The following PNOC variants were observed in gnomAD, a reference collection of about 807,000 sequenced individuals.
The protein encoded by PNOC is prepronociceptin, also known as nociceptin.
In PNOC, 10 loss-of-function variants were observed where a neutral mutation model predicts 15.6. The observed-to-expected ratio is 0.64, with a 90% CI of 0.40 to 1.09. The LOEUF (loss-of-function observed/expected upper bound fraction) is 1.09, where lower values mean the gene tolerates loss of function less well. Ranked by LOEUF, PNOC falls within the 50% of genes least tolerant of loss-of-function variation. The pLI, the probability that PNOC is intolerant of heterozygous loss-of-function variation, is 0.01. For synonymous variants in PNOC, 98 were observed against 88.5 expected, an observed-to-expected ratio of 1.11 and a Z score of -0.60; for missense variants, 220 against 223.9, an observed-to-expected ratio of 0.98 and a Z score of 0.11.
At chr8:28,325,172 G>T (rs903641733) in intron 1 of PNOC, among the ~76,000 whole-genome samples, 1 of 152,088 alleles carries the variant, frequency 6.6e-6, no homozygotes, top group Non-Finnish European at 1.5e-5. Context: ...GATAGATGGG[G>T]CCCCCGAGGC....
intron 2 of PNOC, among the ~76,000 whole-genome samples, chr8:28,333,712 C>T (rs918611551): frequency 6.6e-6 from 1 of 152,148 alleles, no homozygotes; most frequent in African/African-American, 2.4e-5. Flanking sequence ...CTTGGAAACC[C>T]AGGGGCTCAC....
chr8:28,333,286 GC>G (rs1801357608), intron 2 of PNOC, among the ~76,000 whole-genome samples: 1 of 152,058 alleles, frequency 6.6e-6, no homozygotes, highest in Non-Finnish European at 1.5e-5. Flanking sequence ...CACCCAAAAG[GC>G]CATTTGTTCA....
At chr8:28,322,564 A>G (rs1312928593) in intron 1 of PNOC, among the ~76,000 whole-genome samples, 2 of 152,190 alleles carry the variant, frequency 1.3e-5, no homozygotes, top group African/African-American at 4.8e-5. Flanking sequence ...TCAAGCCTCA[A>G]TCTGCTCAAC....
chr8:28,337,011 C>A (rs1161091904), intron 2 of PNOC, among the ~76,000 whole-genome samples: 3 of 152,088 alleles, frequency 2.0e-5, no homozygotes, highest in African/African-American at 7.2e-5. Flanking sequence ...TAGTAACAAA[C>A]ATCTAAAGTG....
At chr8:28,337,289 C>T (rs1029313879) in intron 2 of PNOC, among the ~76,000 whole-genome samples, 10 of 150,720 alleles carry the variant, frequency 6.6e-5, no homozygotes, top group African/African-American at 2.2e-4. Context: ...TTGGAAACCC[C>T]ATCTGATGCC....
intron 1 of PNOC, among the ~76,000 whole-genome samples, chr8:28,327,288 G>C (rs1055626120): frequency 6.6e-6 from 1 of 152,234 alleles, no homozygotes; most frequent in Non-Finnish European, 1.5e-5. Context: ...CAAAAGATAA[G>C]TTTCAAGGAG....
At chr8:28,338,899 T>G in intron 2 of PNOC, 141 bp from the exon 3 acceptor site, 2 of 1,056,554 alleles carry the variant, frequency 1.9e-6, no homozygotes, top group Non-Finnish European at 2.6e-6. Flanking sequence ...CTAAAACCTG[T>G]GTAAAACTGC....
At chr8:28,317,418 TCTC>T (rs1192207967) in intron 1 of PNOC, 102 bp downstream of exon 1, 1 of 152,318 alleles carries the variant, frequency 6.6e-6, no homozygotes, top group African/African-American at 2.4e-5. Flanking sequence ...CCTCGGCCTC[TCTC>T]CTTTGTCCAG....
At chr8:28,332,805 G>C (rs1196614340) in intron 2 of PNOC, among the ~76,000 whole-genome samples, 1 of 152,150 alleles carries the variant, frequency 6.6e-6, no homozygotes, top group African/African-American at 2.4e-5. Flanking sequence ...ACAAAAATTA[G>C]CTGGGCATGG....
Position 28,343,101 on chromosome 8 carries a change from C to A in PNOC, c.*207C>A. On this transcript the variant is annotated 3_prime_UTR_variant, in exon 4 of 4. Coordinates refer to ENST00000301908, the MANE Select transcript of PNOC (RefSeq NM_006228.5). ...TGATTGTTCCTCCCCAGCCCCCTGG[C>A]ATGTTTCACCACAACCCTGTTGCTA... The A allele has an allele frequency of 2.0e-6, 1 of 503,050 alleles. No homozygotes were observed. Among genetic ancestry groups the A allele is most frequent in the Non-Finnish European group, 2.6e-6 (1 of 388,268 alleles). 31.2% of individuals were successfully genotyped at this position (503,050 alleles called of 1,614,324 possible). A position where few individuals can be genotyped will look rare whatever the true frequency, so the allele number is the denominator to read the frequency against.
At chr8:28,335,056 T>A (rs1221230340) in intron 2 of PNOC, among the ~76,000 whole-genome samples, 1 of 152,142 alleles carries the variant, frequency 6.6e-6, no homozygotes. Flanking sequence ...CAGTGTCACC[T>A]CCTGTGACTA....
rs116175988 is a variant in PNOC, at chr8:28,337,100, G to A, written c.127-1940G>A. ...GCCCAGGGCTGCAGTGGCAGCTCCA[G>A]TCTCCTCTCTCTTCTCTGCCAGTCG... On this transcript the variant is annotated intron_variant, in intron 2 of 3. Transcript: ENST00000301908. Among the ~76,000 whole-genome samples, 1,090 of 152,306 alleles carry A rather than the reference G, an allele frequency of 7.2e-3. 23 individuals carry two copies. Among genetic ancestry groups the A allele is most frequent in the African/African-American group, 0.026 (1,060 of 41,556 alleles).
intron 1 of PNOC, among the ~76,000 whole-genome samples, chr8:28,318,322 C>A (rs889237892): frequency 6.6e-6 from 1 of 152,156 alleles, no homozygotes; most frequent in Non-Finnish European, 1.5e-5. Context: ...GACTTGAATA[C>A]CCCCATCCTG....
At chr8:28,319,898 C>T (rs1176038602) in intron 1 of PNOC, among the ~76,000 whole-genome samples, 1 of 151,994 alleles carries the variant, frequency 6.6e-6, no homozygotes, top group Non-Finnish European at 1.5e-5. Flanking sequence ...TTTCTAAACG[C>T]CTTTATTTAA....
intron 1 of PNOC, among the ~76,000 whole-genome samples, chr8:28,322,479 G>T (rs1272332914): frequency 6.6e-6 from 1 of 152,188 alleles, no homozygotes; most frequent in Non-Finnish European, 1.5e-5. Context: ...CCTACATGAA[G>T]ACAGCTGCTG....
At chr8:28,330,386 A>ATTT (rs1365236960) in intron 2 of PNOC, among the ~76,000 whole-genome samples, 2 of 59,788 alleles carry the variant, frequency 3.3e-5, no homozygotes, top group South Asian at 4.7e-4. Flanking sequence ...ATTTTATTTT[A>ATTT]TTTTATTTTA....
intron 2 of PNOC, among the ~76,000 whole-genome samples, chr8:28,333,102 C>A (rs1801355011): frequency 6.6e-6 from 1 of 152,148 alleles, no homozygotes; most frequent in African/African-American, 2.4e-5. Flanking sequence ...CTGTATTTGT[C>A]CTCAGATATT....
chr8:28,339,509 A>G lies in PNOC; in HGVS notation c.*47+18A>G. 6.8e-7 allele frequency: 1 copy of G among 1,480,834 alleles called. No individual in the cohort carries two copies. The highest frequency in any genetic ancestry group is 8.9e-7 in the Non-Finnish European group (1 of 1,117,990). 91.7% of individuals were successfully genotyped at this position (1,480,834 alleles called of 1,614,324 possible). On this transcript the variant is annotated intron_variant, in intron 3 of 3. Coordinates refer to ENST00000301908, the MANE Select transcript of PNOC (RefSeq NM_006228.5). ...ACCCATGAGTGAGTTGGGCACCAATAAGCTGGGGGCAAGGAGAGACCTCAC... is the reference window on the plus strand; with the variant it reads ...ACCCATGAGTGAGTTGGGCACCAATGAGCTGGGGGCAAGGAGAGACCTCAC...
At chr8:28,330,400 T>TTTTTTTTTTTTTTA (rs869258665) in intron 2 of PNOC, among the ~76,000 whole-genome samples, 82 of 102,228 alleles carry the variant, frequency 8.0e-4, no homozygotes, top group Non-Finnish European at 1.3e-3. Flanking sequence ...TATTTTATTT[T>TTTTTTTTTTTTTTA]TTTTTTTTTT....
Sources: gnomAD v4.1 joint callset for allele counts (sites outside exome capture counted in the v4.1 genomes callset) on GRCh38, gnomAD v4.1.1 for gene constraint, MANE v1.5 for transcripts, NCBI Gene and HGNC (gene_info 2026-07-23, HGNC 2026-07-21) for gene names.